Variants in CFAP58 observed in about 807,000 individuals in gnomAD.
CFAP58 encodes cilia- and flagella-associated protein 58.
Under a neutral mutation model 119.5 loss-of-function variants are expected in CFAP58, and 88 were observed. The ratio of observed to expected loss-of-function variants is 0.74; its 90% confidence interval spans 0.62 to 0.88. The LOEUF (loss-of-function observed/expected upper bound fraction) is 0.88. Among genes scored for constraint, CFAP58 ranks in the 40% least tolerant of loss-of-function variants. The pLI, the probability that CFAP58 is intolerant of heterozygous loss-of-function variation, is 0.00. For synonymous variants in CFAP58, 365 were observed against 366.3 expected (o/e 1.00, Z 0.04); for missense variants, 990 against 1,021.2 (o/e 0.97, Z 0.42).
intron 9 of CFAP58, among the ~76,000 whole-genome samples, chr10:104,382,567 G>A (rs773958376): frequency 1.2e-4 from 18 of 152,084 alleles, no homozygotes; most frequent in Non-Finnish European, 1.9e-4. Flanking sequence ...ATGTTGATAC[G>A]GTTTAGCTCT....
chr10:104,356,930 A>G (rs1341062546), intron 1 of CFAP58, among the ~76,000 whole-genome samples: 1 of 152,230 alleles, frequency 6.6e-6, no homozygotes, highest in Non-Finnish European at 1.5e-5. Flanking sequence ...GAATGAATAA[A>G]TATATTAACC....
intron 15 of CFAP58, among the ~76,000 whole-genome samples, chr10:104,420,691 T>C (rs1234352545): frequency 6.6e-6 from 1 of 152,074 alleles, no homozygotes; most frequent in Non-Finnish European, 1.5e-5. Context: ...GTATCTTGAT[T>C]GACTTCTTTC....
intron 9 of CFAP58, among the ~76,000 whole-genome samples, chr10:104,383,232 T>C (rs2011853524): frequency 6.6e-6 from 1 of 152,216 alleles, no homozygotes; most frequent in African/African-American, 2.4e-5. Flanking sequence ...TGTCACTTCG[T>C]ACTTTTATGG....
chr10:104,339,070 G>T, the CFAP58 span, among the ~76,000 whole-genome samples: 3 of 152,060 alleles, frequency 2.0e-5, no homozygotes, highest in African/African-American at 7.2e-5. Flanking sequence ...CACCACGCCC[G>T]GCTAATTTTG....
chr10:104,357,945 A>G lies in CFAP58; in HGVS notation c.10-396A>G, dbSNP rs1288002341. Among the ~76,000 whole-genome samples the G allele has an allele frequency of 1.4e-4, 11 of 76,912 alleles. 1 individual carries two copies. Among genetic ancestry groups the G allele is most frequent in the Non-Finnish European group, 2.2e-4 (8 of 36,866 alleles). 50.5% of individuals were successfully genotyped at this position (76,912 alleles called of 152,430 possible). A position where few individuals can be genotyped will look rare whatever the true frequency, so the allele number is the denominator to read the frequency against. On this transcript the variant is annotated intron_variant, in intron 1 of 17. Coordinates refer to ENST00000369704, the MANE Select transcript of CFAP58 (RefSeq NM_001008723.2). ...TGTACACATATACACACATATATGT[A>G]CACATATATACACATATATGTACAC...
intron 14 of CFAP58, among the ~76,000 whole-genome samples, chr10:104,405,156 C>A (rs1343798835): frequency 6.6e-6 from 1 of 152,190 alleles, no homozygotes; most frequent in African/African-American, 2.4e-5. Flanking sequence ...CAGCGTCCAA[C>A]CCTGCCGGGT....
intron 9 of CFAP58, chr10:104,382,461 T>G (rs2133016071): frequency 2.3e-6 from 1 of 434,376 alleles, no homozygotes; most frequent in South Asian, 3.4e-5. Context: ...AATTCCAGTG[T>G]GGTTTTATTA....
At chr10:104,445,346 C>CA (rs1464117159) in intron 15 of CFAP58, among the ~76,000 whole-genome samples, 11 of 148,558 alleles carry the variant, frequency 7.4e-5, no homozygotes, top group African/African-American at 2.7e-4. Context: ...ACAACAACAA[C>CA]AACAAAAAAC....
At chr10:104,441,288 C>T (rs2013033313) in intron 15 of CFAP58, among the ~76,000 whole-genome samples, 1 of 152,206 alleles carries the variant, frequency 6.6e-6, no homozygotes, top group Non-Finnish European at 1.5e-5. Context: ...CAGGCGTGAG[C>T]CACCGTACCC....
chr10:104,412,424 TTGG>T, intron 15 of CFAP58, among the ~76,000 whole-genome samples: 1 of 152,244 alleles, frequency 6.6e-6, no homozygotes, highest in African/African-American at 2.4e-5. Flanking sequence ...TATTTAGCGT[TTGG>T]AATGGTTGGG....
chr10:104,446,586 A>G (rs1198871482), intron 15 of CFAP58, among the ~76,000 whole-genome samples: 1 of 152,250 alleles, frequency 6.6e-6, no homozygotes, highest in Non-Finnish European at 1.5e-5. Flanking sequence ...GTAAAAATTA[A>G]TATCCATTTG....
At chr10:104,430,564 T>C (rs2012828897) in intron 15 of CFAP58, among the ~76,000 whole-genome samples, 1 of 152,248 alleles carries the variant, frequency 6.6e-6, no homozygotes, top group Non-Finnish European at 1.5e-5. Flanking sequence ...GGTCTGATTT[T>C]CCAAGTTGTT....
chr10:104,398,274 C>T (rs183736610), intron 11 of CFAP58, among the ~76,000 whole-genome samples: 2 of 152,310 alleles, frequency 1.3e-5, no homozygotes, highest in African/African-American at 4.8e-5. Context: ...TGCTTATCTT[C>T]TATATTTAAT....
rs780725647 is a variant in CFAP58, at chr10:104,380,155, A to T, written c.1300A>T (p.Ile434Phe). ...YKDEAQKQRK[I>F]IFHLEKERDR... Reference sequence around the variant, plus strand: ...GGATGAGGCTCAGAAGCAGAGAAAGATCATCTTTCATCTGGAAAAGGAGCG... The same window carrying T: ...GGATGAGGCTCAGAAGCAGAGAAAGTTCATCTTTCATCTGGAAAAGGAGCG... The change falls in exon 9 of 18, where the codon ATC (isoleucine) becomes TTC (phenylalanine). Residue 434 changes from isoleucine (I) to phenylalanine (F), a missense_variant. Coordinates refer to ENST00000369704, the MANE Select transcript of CFAP58 (RefSeq NM_001008723.2). 5.0e-6 allele frequency: 8 copies of T among 1,614,148 alleles called. No homozygotes were observed. In the Admixed American group the frequency reaches 1.0e-4, roughly 20 times the overall value.
upstream of CFAP58, chr10:104,353,482 C>G (rs2014492406): frequency 1.1e-5 from 2 of 186,876 alleles, no homozygotes; most frequent in South Asian, 1.5e-4. Context: ...GTCCTCGGCT[C>G]TCCATGCTTG....
intron 15 of CFAP58, among the ~76,000 whole-genome samples, chr10:104,436,625 G>A (rs2012939608): frequency 6.6e-6 from 1 of 152,114 alleles, no homozygotes; most frequent in South Asian, 2.1e-4. Flanking sequence ...ATTCTTGCAA[G>A]GACAGCACCA....
chr10:104,364,427 AACACACACACACACACACACACACAC>A (rs66757511), intron 3 of CFAP58, among the ~76,000 whole-genome samples: 1 of 142,142 alleles, frequency 7.0e-6, no homozygotes, highest in African/African-American at 2.6e-5. Context: ...ATGTCTGTAA[AACACACACACACACACACACACACAC>A]ACACACACAC....
chr10:104,414,713 A>G (rs939452179), intron 15 of CFAP58, among the ~76,000 whole-genome samples: 5 of 152,122 alleles, frequency 3.3e-5, no homozygotes, highest in Non-Finnish European at 7.4e-5. Flanking sequence ...TCTGTCACCC[A>G]GGCTGGAGTG....
chr10:104,351,904 G>C (rs1302781459), upstream of CFAP58: 1 of 152,110 alleles, frequency 6.6e-6, no homozygotes, highest in African/African-American at 2.4e-5. Context: ...AAAGCAGATT[G>C]ATGTCCAGGC....
Sources: gnomAD v4.1 joint callset for allele counts (sites outside exome capture counted in the v4.1 genomes callset) on GRCh38, gnomAD v4.1.1 for gene constraint, MANE v1.5 for transcripts, NCBI Gene and HGNC (gene_info 2026-07-23, HGNC 2026-07-21) for gene names.